The following CORO1A variants were observed in gnomAD, a reference collection of about 807,000 sequenced individuals.
CORO1A encodes coronin-1A.
In CORO1A, 17 loss-of-function variants were observed where a neutral mutation model predicts 44.1. That is an observed-to-expected ratio of 0.39 (90% CI 0.26 to 0.58). CORO1A has a LOEUF of 0.58. CORO1A is among the 20% of genes least tolerant of loss of function. The pLI, the probability that CORO1A is intolerant of heterozygous loss-of-function variation, is 0.62. For synonymous variants in CORO1A, 271 were observed against 244.2 expected, an observed-to-expected ratio of 1.11 and a Z score of -1.02; for missense variants, 415 against 606.5, an observed-to-expected ratio of 0.68 and a Z score of 3.32.
In CORO1A at chr16:30,187,081, C is replaced by T. The variant is rs371653086; in HGVS notation, c.494C>T (p.Ala165Val). ...VIMVWDVGTG[A>V]AMLTLGPEVH... ...ATGGTGTGGGACGTGGGCACTGGGGCGGCCATGCTGACACTGGGCCCAGAG... is the reference window on the plus strand; with the variant it reads ...ATGGTGTGGGACGTGGGCACTGGGGTGGCCATGCTGACACTGGGCCCAGAG... Residue 165 changes from alanine to valine, a missense_variant, in exon 5 of 11, where the codon GCG (alanine) becomes GTG (valine). Transcript: ENST00000219150. 4.3e-6 allele frequency: 7 copies of T among 1,613,886 alleles called. No individual in the cohort carries two copies. Among genetic ancestry groups the T allele is most frequent in the African/African-American group, 2.7e-5 (2 of 74,902 alleles).
chr16:30,188,288 C>A, intron 9 of CORO1A, 39 bp downstream of exon 9: 2 of 1,612,012 alleles, frequency 1.2e-6, no homozygotes, highest in Non-Finnish European at 8.5e-7. Context: ...CCAGGCTGGG[C>A]ACTGACTTTG....
At chr16:30,187,636 T>C in intron 6 of CORO1A, 89 bp from the exon 7 acceptor site, 2 of 1,482,912 alleles carry the variant, frequency 1.3e-6, no homozygotes, top group Non-Finnish European at 1.9e-6. Flanking sequence ...TTGTTCCCAC[T>C]GGTTGGTCGG....
At position 30,188,435 on chromosome 16, in the gene CORO1A, G is replaced by C. The variant is rs1460632336; in HGVS notation, c.1140G>C (p.Leu380=). 2 of 1,613,488 alleles carry C rather than the reference G, an allele frequency of 1.2e-6. No homozygotes were observed. Among genetic ancestry groups the C allele is most frequent in the Non-Finnish European group, 8.5e-7 (1 of 1,179,934 alleles). ...PDPALTAEEW[L]GGRDAGPLLI... is the part of the protein sequence containing the mutation. The stretch of plus-strand genomic sequence containing the variant: ...CTGCCCTCACGGCTGAGGAGTGGCT[G>C]GGGGGTCGGGATGCTGGGCCCCTCC... The change falls in exon 10 of 11, where the codon CTG becomes CTC. Residue 380 remains leucine (L), a synonymous_variant. Coordinates refer to ENST00000219150, the MANE Select transcript of CORO1A (RefSeq NM_007074.4).
intron 2 of CORO1A, chr16:30,186,112 C>T (rs1162350157): frequency 4.2e-6 from 1 of 237,184 alleles, no homozygotes; most frequent in Non-Finnish European, 8.5e-6. Flanking sequence ...ATTTCCAAAC[C>T]TCTGCTCCTG....
In CORO1A at chr16:30,183,803, G is replaced by C. The variant is rs1162070336; in HGVS notation, c.-2+78G>C. 1.3e-5 allele frequency: 2 copies of C among 151,484 alleles called. No homozygotes were observed. Among genetic ancestry groups the C allele is most frequent in the Non-Finnish European group, 2.9e-5 (2 of 67,866 alleles). 9.4% of individuals were successfully genotyped at this position (151,484 alleles called of 1,614,324 possible). A position where few individuals can be genotyped will look rare whatever the true frequency, so the allele number is the denominator to read the frequency against. On this transcript the variant is annotated intron_variant, in intron 1 of 10. Coordinates refer to ENST00000219150, the MANE Select transcript of CORO1A (RefSeq NM_007074.4). The surrounding 1 kb of genome is among the most constrained non-coding windows in gnomAD (Gnocchi z 5.0). Reference sequence around the variant, plus strand: ...GGCGGCGCGCGCGTGGGAGCCGCGGGCTGCGGGGGCGCGCGGCTGTCACCG... The same window carrying C: ...GGCGGCGCGCGCGTGGGAGCCGCGGCCTGCGGGGGCGCGCGGCTGTCACCG...
chr16:30,188,621 T>TTAAAAAACGGGGGGGGGGGGGGG, intron 10 of CORO1A, 45 bp downstream of exon 10: 1 of 260,810 alleles, frequency 3.8e-6, no homozygotes. Context: ...GAGGGTGGGG[T>TTAAAAAACGGGGGGGGGGGGGGG]GGGGCTGGTG....
At position 30,187,113 on chromosome 16, in the gene CORO1A, C is replaced by T; in HGVS notation, c.526C>T (p.Pro176Ser). 6.2e-7 allele frequency: 1 copy of T among 1,614,040 alleles called. No homozygotes were observed. The highest frequency in any genetic ancestry group is 8.5e-7 in the Non-Finnish European group (1 of 1,179,984). ...AMLTLGPEVH[P>S]DTIYSVDWSR... The stretch of plus-strand genomic sequence containing the variant: ...GCTGACACTGGGCCCAGAGGTGCAC[C>T]CAGACACGATCTACAGTGTGGACTG... The change falls in exon 5 of 11, where the codon CCA becomes TCA. Residue 176 changes from proline (P) to serine (S), a missense_variant. Pro to Ser is a moderately conservative substitution (Grantham distance 74, BLOSUM62 -1). Coordinates refer to ENST00000219150, the MANE Select transcript of CORO1A (RefSeq NM_007074.4).
intron 1 of CORO1A, 118 bp from the exon 2 acceptor site, chr16:30,185,091 T>C (rs2073318139): frequency 2.1e-6 from 2 of 955,156 alleles, no homozygotes; most frequent in South Asian, 2.7e-5. Flanking sequence ...AGGGAGCCCC[T>C]GGAGATGATG....
Position 30,188,396 on chromosome 16 carries a change from C to T in CORO1A, c.1101C>T (p.Thr367=), listed in dbSNP as rs139282852. The T allele has an allele frequency of 8.1e-4, 1,308 of 1,613,812 alleles. 12 individuals carry two copies. In the African/African-American group the frequency reaches 0.015, roughly 19 times the overall value. ...DLFQEDLYPP[T]AGPDPALTAE... ...TCCAGGAGGACCTGTACCCACCCAC[C>T]GCAGGGCCCGACCCTGCCCTCACGG... is the stretch of plus-strand genomic sequence containing the variant. Residue 367 remains threonine (T), a synonymous_variant, in exon 10 of 11, where the codon ACC becomes ACT. Transcript: ENST00000219150.
Position 30,188,475 on chromosome 16 carries a change from G to A in CORO1A, c.1180G>A (p.Asp394Asn). ...TGGGCCCCTCCTCATCTCCCTCAAG[G>A]ATGGCTACGTACCCCCAAAGAGCCG... is the stretch of plus-strand genomic sequence containing the variant. ...DAGPLLISLKDGYVPPKSREL... is the reference protein window; with the variant it reads ...DAGPLLISLKNGYVPPKSREL... Residue 394 changes from aspartate (D) to asparagine (N), a missense_variant, in exon 10 of 11, where the codon GAT becomes AAT. Around this residue, in one of 2 missense-constraint regions of CORO1A, gnomAD observed 90 missense variants for 84.7 expected, o/e 1.06. Transcript: ENST00000219150. 6.2e-7 allele frequency: 1 copy of A among 1,613,374 alleles called. No homozygotes were observed.
At position 30,183,757 on chromosome 16, in the gene CORO1A, CGGGGCGAGGGCCACCTGT is replaced by C. The variant is rs1036079707; in HGVS notation, c.-2+39_-2+56del. 1.3e-5 allele frequency: 2 copies of C among 151,822 alleles called. No homozygotes were observed. The highest frequency in any genetic ancestry group is 2.9e-5 in the Non-Finnish European group (2 of 67,954). 9.4% of individuals were successfully genotyped at this position (151,822 alleles called of 1,614,324 possible). A position where few individuals can be genotyped will look rare whatever the true frequency, so the allele number is the denominator to read the frequency against. On this transcript the variant is annotated intron_variant, in intron 1 of 10. Transcript: ENST00000219150. The surrounding 1 kb of genome is among the most constrained non-coding windows in gnomAD (Gnocchi z 5.0). ...CTGGGCCTGGGAGGCGCGGGTGGGC[CGGGGCGAGGGCCACCTGT>C]GGGGCGGCGCGCGCGTGGGAGCCGC...
At chr16:30,187,253 C>T (rs1489607781) in intron 5 of CORO1A, 30 bp downstream of exon 5, 1 of 1,607,822 alleles carries the variant, frequency 6.2e-7, no homozygotes, top group African/African-American at 1.3e-5. Context: ...GACCTTTGAC[C>T]CTACAGCCTT....
Position 30,188,200 on chromosome 16 carries a change from A to G in CORO1A, c.1016A>G (p.Lys339Arg). The G allele has an allele frequency of 6.2e-7, 1 of 1,614,086 alleles. No homozygotes were observed. ...CCTTCCCCTTCCCACAGGTTCTACA[A>G]GCTGCACGAGCGGAGGTGTGAGCCC... ...VNKCEIARFY[K>R]LHERRCEPIA... is the part of the protein sequence containing the mutation. The change falls in exon 9 of 11, where the codon AAG (lysine) becomes AGG (arginine). Residue 339 changes from lysine (K) to arginine (R), a missense_variant. Coordinates refer to ENST00000219150, the MANE Select transcript of CORO1A (RefSeq NM_007074.4).
rs35967690 is a variant in CORO1A, at chr16:30,188,484, G to A, written c.1189G>A (p.Val397Ile). Residue 397 changes from valine to isoleucine, a missense_variant, in exon 10 of 11, where the codon GTA (valine) becomes ATA (isoleucine). Around this residue, in one of 2 missense-constraint regions of CORO1A, gnomAD observed 90 missense variants for 84.7 expected, o/e 1.06. Coordinates refer to ENST00000219150, the MANE Select transcript of CORO1A (RefSeq NM_007074.4). The stretch of plus-strand genomic sequence containing the variant: ...CCTCATCTCCCTCAAGGATGGCTAC[G>A]TACCCCCAAAGAGCCGGGAGCTGAG... ...PLLISLKDGY[V>I]PPKSRELRVN... 2,683 of 1,613,226 alleles carry A rather than the reference G, an allele frequency of 1.7e-3. 7 individuals carry two copies. Among genetic ancestry groups the A allele is most frequent in the Non-Finnish European group, 1.8e-3 (2,108 of 1,179,988 alleles).
At position 30,185,353 on chromosome 16, in the gene CORO1A, C is replaced by T; in HGVS notation, c.144C>T (p.Ala48=). Reference sequence around the variant, plus strand: ...GTGCTGTCAACCCTAAGTTTGTGGCCCTGATCTGTGAGGCCAGCGGGGGAG... The same window carrying T: ...GTGCTGTCAACCCTAAGTTTGTGGCTCTGATCTGTGAGGCCAGCGGGGGAG... ...GFCAVNPKFV[A]LICEASGGGA... The change falls in exon 2 of 11, where the codon GCC becomes GCT. Residue 48 remains alanine (A), a synonymous_variant. Coordinates refer to ENST00000219150, the MANE Select transcript of CORO1A (RefSeq NM_007074.4). 2.5e-6 allele frequency: 4 copies of T among 1,614,140 alleles called. No individual in the cohort carries two copies. The highest frequency in any genetic ancestry group is 3.4e-6 in the Non-Finnish European group (4 of 1,180,028).
chr16:30,187,692 G>A, intron 6 of CORO1A, 33 bp from the exon 7 acceptor site: 1 of 1,523,030 alleles, frequency 6.6e-7, no homozygotes, highest in South Asian at 1.1e-5. Context: ...CCATCCCAGG[G>A]CCTGGGATGT....
At chr16:30,186,390 A>G in intron 2 of CORO1A, 1 of 607,558 alleles carries the variant, frequency 1.6e-6, no homozygotes, top group South Asian at 1.8e-5. Context: ...AACCTCTGCC[A>G]TGCGTGGCCA....
Position 30,184,048 on chromosome 16 carries a change from G to A in CORO1A, c.-2+323G>A, listed in dbSNP as rs972132950. The A allele has an allele frequency of 6.6e-5, 10 of 152,420 alleles. No individual in the cohort carries two copies. The highest frequency in any genetic ancestry group is 2.2e-4 in the African/African-American group (9 of 41,402). The allele number at this position is 152,420 out of a possible 1,614,324, so 9.4% of individuals were successfully genotyped here. ...GGAGGGTGGGGACGAGGGCAGGGTGGGGTGAGCGGGGCAGCTGCCCTGGGC... is the reference window on the plus strand; with the variant it reads ...GGAGGGTGGGGACGAGGGCAGGGTGAGGTGAGCGGGGCAGCTGCCCTGGGC... On this transcript the variant is annotated intron_variant, in intron 1 of 10. Coordinates refer to ENST00000219150, the MANE Select transcript of CORO1A (RefSeq NM_007074.4). This position sits in a 1 kb window ranked among gnomAD's most constrained non-coding sequence, Gnocchi z 4.3.
chr16:30,188,440 G>T lies in CORO1A; in HGVS notation c.1145G>T (p.Gly382Val). The change falls in exon 10 of 11, where the codon GGT (glycine) becomes GTT (valine). Residue 382 changes from glycine to valine, a missense_variant. By Grantham distance (109) the Gly-to-Val change is moderately radical (BLOSUM62 -3). Transcript: ENST00000219150. ...CTCACGGCTGAGGAGTGGCTGGGGG[G>T]TCGGGATGCTGGGCCCCTCCTCATC... ...PALTAEEWLG[G>V]RDAGPLLISL... is the part of the protein sequence containing the mutation. 1 of 1,613,480 alleles carries T rather than the reference G, an allele frequency of 6.2e-7. No homozygotes were observed. The highest frequency in any genetic ancestry group is 8.5e-7 in the Non-Finnish European group (1 of 1,179,986).
Sources: allele counts gnomAD v4.1 joint callset, GRCh38; gene constraint gnomAD v4.1.1; regional missense constraint gnomAD v4.1.1; non-coding constraint Gnocchi (gnomAD v3.1); transcripts MANE v1.5; gene names NCBI Gene and HGNC (gene_info 2026-07-23, HGNC 2026-07-21).